ASTN2: variants seen among roughly 807,000 people sequenced by gnomAD.
The protein encoded by ASTN2 is astrotactin-2.
In ASTN2, 54 loss-of-function variants were observed where a neutral mutation model predicts 139.8. That is an observed-to-expected ratio of 0.39 (90% CI 0.31 to 0.48). The LOEUF is 0.48. Ranked by LOEUF, ASTN2 falls within the 20% of genes least tolerant of loss-of-function variation. The pLI is 0.95. For missense variants in ASTN2, 1,565 were observed against 1,725.1 expected (o/e 0.91, Z 1.64); for synonymous variants, 756 against 719.5 (o/e 1.05, Z -0.81).
At chr9:117,272,738 A>G (rs992887471) in intron 2 of ASTN2, among the ~76,000 whole-genome samples, 3 of 152,198 alleles carry the variant, frequency 2.0e-5, no homozygotes, top group African/African-American at 7.2e-5. Flanking sequence ...ACTAAAACAT[A>G]ACAAGAGTCA....
In ASTN2 at chr9:116,861,618, C is replaced by T. The variant is rs111586831; in HGVS notation, c.2040+1965G>A. 1.4e-4 allele frequency among the ~76,000 whole-genome samples: 21 copies of T among 152,320 alleles called. 1 individual carries two copies. The highest frequency in any genetic ancestry group is 5.1e-4 in the African/African-American group (21 of 41,570). On this transcript the variant is annotated intron_variant, in intron 11 of 22. Transcript: ENST00000313400. The stretch of plus-strand genomic sequence containing the variant: ...AGTTTTTCTTGAGAGTCTATGCCTT[C>T]CCCCATCTCAGGGCCATGCATTTCA...
intron 13 of ASTN2, among the ~76,000 whole-genome samples, chr9:116,801,614 GAAAGAAAGAA>G (rs1468067334): frequency 1.1e-4 from 10 of 94,488 alleles, no homozygotes. Flanking sequence ...AAAAAAAAAA[GAAAGAAAGAA>G]AAAGAAAGAA....
intron 1 of ASTN2, among the ~76,000 whole-genome samples, chr9:117,299,657 G>A (rs1333938582): frequency 2.0e-5 from 3 of 152,174 alleles, no homozygotes; most frequent in Non-Finnish European, 2.9e-5. Context: ...TGCCCATGGA[G>A]CATCACCTAG....
chr9:116,669,913 C>T (rs1482990607), intron 16 of ASTN2, among the ~76,000 whole-genome samples: 1 of 151,498 alleles, frequency 6.6e-6, no homozygotes, highest in African/African-American at 2.4e-5. Context: ...TCAAGCAATT[C>T]TCTGCCTCAG....
At chr9:116,611,272 C>T (rs1456670737) in intron 19 of ASTN2, 1 of 152,218 alleles carries the variant, frequency 6.6e-6, no homozygotes, top group African/African-American at 2.4e-5. Flanking sequence ...CTTTGAGATA[C>T]TACTAAAGCA....
In ASTN2 at chr9:116,424,643, T is replaced by C. The variant is rs1055387248; in HGVS notation, c.*1208A>G. Among the ~76,000 whole-genome samples, 1 of 151,186 alleles carries C rather than the reference T, an allele frequency of 6.6e-6. No homozygotes were observed. The highest frequency in any genetic ancestry group is 1.5e-5 in the Non-Finnish European group (1 of 67,924). On this transcript the variant is annotated 3_prime_UTR_variant, in exon 23 of 23. Coordinates refer to ENST00000313400, the MANE Select transcript of ASTN2 (RefSeq NM_001365068.1). ...CCTAGGCTGGAGTCCAGTGGCTCCA[T>C]GTCAGTTCACTGCAAACTCTGCCTC... is the stretch of plus-strand genomic sequence containing the variant.
intron 1 of ASTN2, among the ~76,000 whole-genome samples, chr9:117,366,916 A>G (rs1392764745): frequency 2.0e-5 from 3 of 152,058 alleles, no homozygotes; most frequent in Non-Finnish European, 4.4e-5. Context: ...CTGGGACTAC[A>G]GGTGCACACC....
In ASTN2 at chr9:117,291,497, T is replaced by C. The variant is rs7848630; in HGVS notation, c.459A>G (p.Ala153=). The change falls in exon 2 of 23, where the codon GCA becomes GCG. Residue 153 remains alanine, a synonymous_variant. Transcript: ENST00000313400. ...PFFTLEMSGT[A]ADISLVHWRQ... ...TCCAGTGCACCAGCGAGATGTCCGC[T>C]GCTGTGCCAGACATCTCTGCAAGAC... 0.99 allele frequency: 1,591,554 copies of C among 1,608,506 alleles called. 787,667 individuals are homozygous for C. The highest frequency in any genetic ancestry group is 0.99 in the South Asian group (89,358 of 89,908).
intron 11 of ASTN2, among the ~76,000 whole-genome samples, chr9:116,843,419 A>G (rs1333725590): frequency 6.6e-6 from 1 of 152,122 alleles, no homozygotes; most frequent in African/African-American, 2.4e-5. Flanking sequence ...GTGCTTTGGG[A>G]GGCCAAGGTG....
intron 11 of ASTN2, among the ~76,000 whole-genome samples, chr9:116,858,887 G>A (rs1457318541): frequency 6.6e-6 from 1 of 152,084 alleles, no homozygotes; most frequent in Non-Finnish European, 1.5e-5. Flanking sequence ...AAATTACTAT[G>A]CAATTGGTGG....
At chr9:116,878,373 A>G (rs537533257) in intron 10 of ASTN2, among the ~76,000 whole-genome samples, 109 of 152,356 alleles carry the variant, frequency 7.2e-4, no homozygotes, top group Middle Eastern at 3.4e-3. Context: ...CTATGCAGCC[A>G]TAAAAAGGAA....
chr9:116,705,823 T>G (rs1465704248), intron 16 of ASTN2, among the ~76,000 whole-genome samples: 4 of 152,140 alleles, frequency 2.6e-5, no homozygotes, highest in Non-Finnish European at 4.4e-5. Flanking sequence ...AAGATCTGGT[T>G]GCTGAAGGGC....
intron 5 of ASTN2, among the ~76,000 whole-genome samples, chr9:117,078,218 C>T (rs1042140594): frequency 1.3e-5 from 2 of 152,134 alleles, no homozygotes; most frequent in Non-Finnish European, 2.9e-5. Context: ...ACACAACATT[C>T]CACTTTATAT....
At chr9:116,601,738 A>G (rs1022671533) in intron 19 of ASTN2, among the ~76,000 whole-genome samples, 1 of 152,224 alleles carries the variant, frequency 6.6e-6, no homozygotes, top group African/African-American at 2.4e-5. Flanking sequence ...TAGGGAGATG[A>G]TAGCAAATCC....
At chr9:117,138,826 T>C (rs1830009900) in intron 4 of ASTN2, among the ~76,000 whole-genome samples, 1 of 152,196 alleles carries the variant, frequency 6.6e-6, no homozygotes, top group South Asian at 2.1e-4. Flanking sequence ...ATGAAATTCT[T>C]CTCTAAGAGG....
At chr9:117,288,620 T>C (rs536301711) in intron 2 of ASTN2, among the ~76,000 whole-genome samples, 23 of 152,202 alleles carry the variant, frequency 1.5e-4, no homozygotes, top group African/African-American at 5.3e-4. Flanking sequence ...ATTAAACTCA[T>C]GAATCTCAGA....
At chr9:117,170,959 T>C (rs1287203617) in intron 3 of ASTN2, among the ~76,000 whole-genome samples, 1 of 152,144 alleles carries the variant, frequency 6.6e-6, no homozygotes, top group East Asian at 1.9e-4. Context: ...CCCTTCTTTA[T>C]GTGACAGGGC....
intron 7 of ASTN2, among the ~76,000 whole-genome samples, chr9:117,004,538 A>T (rs1418029355): frequency 6.6e-6 from 1 of 152,198 alleles, no homozygotes; most frequent in Non-Finnish European, 1.5e-5. Context: ...CACAAAAGTT[A>T]ACCTGGAGAA....
intron 1 of ASTN2, among the ~76,000 whole-genome samples, chr9:117,389,861 A>T (rs2130942778): frequency 6.6e-6 from 1 of 152,202 alleles, no homozygotes; most frequent in Middle Eastern, 3.4e-3. Context: ...GTGACAAAAA[A>T]AAAAAAAGAA....
Sources: gnomAD v4.1 joint callset for allele counts (sites outside exome capture counted in the v4.1 genomes callset) on GRCh38, gnomAD v4.1.1 for gene constraint, MANE v1.5 for transcripts, NCBI Gene and HGNC (gene_info 2026-07-23, HGNC 2026-07-21) for gene names.